The following ZNF823 variants were observed in gnomAD, a reference collection of about 807,000 sequenced individuals.
ZNF823 encodes zinc finger protein 823, also known as ZFP 36 for a zinc finger protein.
A neutral mutation model predicts 11.4 loss-of-function variants in ZNF823; 5 were observed. That is an observed-to-expected ratio of 0.44 (90% CI 0.23 to 0.92). ZNF823 has a LOEUF of 0.92. Among genes scored for constraint, ZNF823 ranks in the 40% least tolerant of loss-of-function variants. The pLI is 0.24. For missense variants in ZNF823, 582 were observed against 738.5 expected (o/e 0.79, Z 2.46); for synonymous variants, 234 against 250.5 (o/e 0.93, Z 0.62).
chr19:11,734,373 C>T (rs1974955712), intron 1 of ZNF823, among the ~76,000 whole-genome samples: 2 of 152,118 alleles, frequency 1.3e-5, no homozygotes, highest in Admixed American at 1.3e-4. Flanking sequence ...CCTTTTTAAA[C>T]CTGTAACAAG....
chr19:11,728,129 G>A (rs1974828469), intron 1 of ZNF823, among the ~76,000 whole-genome samples: 1 of 152,012 alleles, frequency 6.6e-6, no homozygotes, highest in East Asian at 1.9e-4. Flanking sequence ...CGCCCGCCTC[G>A]GCCTCCCAAA....
rs1974713864 is a variant in ZNF823 at position 11,722,746 on chromosome 19, T to C, written c.788A>G (p.Tyr263Cys). ...GGTGTGAGTTCTCTCATGTCTTAGA[T>C]AGGTACTGTAATCAGGAAAGGCTTT... Reference protein sequence around the residue: ...CSKAFPDYSTYLRHERTHTGE... With the variant: ...CSKAFPDYSTCLRHERTHTGE... Residue 263 changes from tyrosine (Y) to cysteine (C), a missense_variant, in exon 4 of 4, where the codon TAT becomes TGT. Physicochemically the swap from Tyr to Cys is radical, Grantham distance 194. This residue lies in a region of ZNF823 where 429 missense variants were observed against 553.7 expected (regional missense o/e 0.77). Transcript: ENST00000341191. The surrounding 1 kb of genome is among the most constrained non-coding windows in gnomAD (Gnocchi z 5.2). 4.3e-6 allele frequency: 7 copies of C among 1,614,050 alleles called. No individual in the cohort carries two copies. The highest frequency in any genetic ancestry group is 5.1e-6 in the Non-Finnish European group (6 of 1,180,044).
intron 1 of ZNF823, among the ~76,000 whole-genome samples, chr19:11,736,075 T>C (rs1974987818): frequency 6.6e-6 from 1 of 150,746 alleles, no homozygotes; most frequent in South Asian, 2.1e-4. Flanking sequence ...CGAACTAACA[T>C]TTTGGTAAAT....
intron 3 of ZNF823, 122 bp downstream of exon 3, chr19:11,724,072 G>T (rs2145205083): frequency 1.2e-6 from 1 of 803,528 alleles, no homozygotes; most frequent in Non-Finnish European, 1.9e-6. Context: ...GTCAGAAAAA[G>T]AATTATTGGA....
intron 1 of ZNF823, among the ~76,000 whole-genome samples, chr19:11,728,844 A>G (rs10424746): frequency 0.085 from 12,871 of 152,220 alleles, 1,178 homozygotes; most frequent in African/African-American, 0.23. Context: ...TACATATACC[A>G]GTTAAAAAGA....
In ZNF823 at chr19:11,722,399, T is replaced by C; in HGVS notation, c.1135A>G (p.Met379Val). 6.2e-7 allele frequency: 1 copy of C among 1,614,050 alleles called. No homozygotes were observed. The highest frequency in any genetic ancestry group is 8.5e-7 in the Non-Finnish European group (1 of 1,180,012). ...LSHSSSFRSHMITHTGDGPQK... is the reference protein window; with the variant it reads ...LSHSSSFRSHVITHTGDGPQK... ...GGTCCATCTCCTGTGTGTGTTATCA[T>C]GTGACTTCGAAAGCTCGAGCTATGA... is the stretch of plus-strand genomic sequence containing the variant. The change falls in exon 4 of 4, where the codon ATG becomes GTG. Residue 379 changes from methionine to valine, a missense_variant. Physicochemically the swap from Met to Val is conservative, Grantham distance 21. Transcript: ENST00000341191. This position sits in a 1 kb window ranked among gnomAD's most constrained non-coding sequence, Gnocchi z 5.2.
rs559679168 is a variant in ZNF823 at position 11,738,802 on chromosome 19, G to T, written c.3+15C>A. Reference sequence around the variant, plus strand: ...CCCCTTCTTTGCCTCGGGACGCCGGGCCCCGCACACTCACCATTTCCCAGC... The same window carrying T: ...CCCCTTCTTTGCCTCGGGACGCCGGTCCCCGCACACTCACCATTTCCCAGC... On this transcript the variant is annotated intron_variant, in intron 1 of 3. Coordinates refer to ENST00000341191, the MANE Select transcript of ZNF823 (RefSeq NM_001080493.4). 1 of 1,609,962 alleles carries T rather than the reference G, an allele frequency of 6.2e-7. No individual in the cohort carries two copies. Among genetic ancestry groups the T allele is most frequent in the Admixed American group, 1.7e-5 (1 of 59,472 alleles).
chr19:11,736,177 G>A (rs1200677536), intron 1 of ZNF823, among the ~76,000 whole-genome samples: 1 of 152,086 alleles, frequency 6.6e-6, no homozygotes. Flanking sequence ...CCCAATTTCT[G>A]TTCACTGCTA....
chr19:11,737,604 A>C (rs1022791642), intron 1 of ZNF823, among the ~76,000 whole-genome samples: 5 of 97,992 alleles, frequency 5.1e-5, no homozygotes, highest in Non-Finnish European at 8.1e-5. Flanking sequence ...TCAAGTGGTT[A>C]TTCTTTGCTT....
At chr19:11,738,739 G>T in intron 1 of ZNF823, 78 bp downstream of exon 1, 1 of 1,499,488 alleles carries the variant, frequency 6.7e-7, no homozygotes. Context: ...GGCGAGGCCC[G>T]GGTCCCCTCA....
intron 2 of ZNF823, 34 bp downstream of exon 2, chr19:11,725,167 A>G: frequency 6.2e-7 from 1 of 1,602,930 alleles, no homozygotes. Flanking sequence ...AAATGTCTCT[A>G]ATTGACTAAG....
At chr19:11,726,319 T>TG (rs1231097429) in intron 1 of ZNF823, among the ~76,000 whole-genome samples, 1 of 147,424 alleles carries the variant, frequency 6.8e-6, no homozygotes, top group Non-Finnish European at 1.5e-5. Flanking sequence ...AATTTTTTTT[T>TG]AACTTAACTC....
Position 11,728,420 on chromosome 19 carries a change from G to T in ZNF823, c.4-3093C>A, listed in dbSNP as rs75441124. 8.9e-3 allele frequency among the ~76,000 whole-genome samples: 1,356 copies of T among 152,236 alleles called. 12 individuals are homozygous for T. Among genetic ancestry groups the T allele is most frequent in the African/African-American group, 0.031 (1,300 of 41,526 alleles). Reference sequence around the variant, plus strand: ...ATGGCATACTTTTCTTATACTACCTGATCTAACAGATACAAATTTGTTTGA... The same window carrying T: ...ATGGCATACTTTTCTTATACTACCTTATCTAACAGATACAAATTTGTTTGA... On this transcript the variant is annotated intron_variant, in intron 1 of 3. Coordinates refer to ENST00000341191, the MANE Select transcript of ZNF823 (RefSeq NM_001080493.4).
intron 1 of ZNF823, among the ~76,000 whole-genome samples, chr19:11,725,667 G>A (rs1297519098): frequency 6.6e-6 from 1 of 152,146 alleles, no homozygotes; most frequent in African/African-American, 2.4e-5. Flanking sequence ...GTGTAGAAGA[G>A]TTACCACTCC....
intron 1 of ZNF823, among the ~76,000 whole-genome samples, chr19:11,736,162 T>A (rs6511746): frequency 0.084 from 12,726 of 152,112 alleles, 1,139 homozygotes; most frequent in African/African-American, 0.23. Context: ...AAAGGAAAAG[T>A]TTTTCCCAAT....
At position 11,723,194 on chromosome 19, in the gene ZNF823, T is replaced by A; in HGVS notation, c.340A>T (p.Asn114Tyr). The A allele has an allele frequency of 1.2e-6, 2 of 1,614,152 alleles. No individual in the cohort carries two copies. The highest frequency in any genetic ancestry group is 1.7e-6 in the Non-Finnish European group (2 of 1,180,036). The stretch of plus-strand genomic sequence containing the variant: ...CCAGTGTCAACTCTGATGTTGCAAT[T>A]AAGAGACGAATGACCCAAGACGACT... ...GEVVLGHSSL[N>Y]CNIRVDTGHK... Residue 114 changes from asparagine to tyrosine, a missense_variant, in exon 4 of 4, where the codon AAT (asparagine) becomes TAT (tyrosine). This residue lies in a region of ZNF823 where 429 missense variants were observed against 553.7 expected (regional missense o/e 0.77). Coordinates refer to ENST00000341191, the MANE Select transcript of ZNF823 (RefSeq NM_001080493.4).
intron 1 of ZNF823, among the ~76,000 whole-genome samples, chr19:11,735,138 G>A (rs1974968965): frequency 6.6e-6 from 1 of 151,854 alleles, no homozygotes; most frequent in Non-Finnish European, 1.5e-5. Flanking sequence ...AGCTGGGCGT[G>A]GTGGTGGTCA....
At chr19:11,723,804 T>TA (rs1178292807) in intron 3 of ZNF823, among the ~76,000 whole-genome samples, 2 of 152,092 alleles carry the variant, frequency 1.3e-5, no homozygotes, top group Non-Finnish European at 2.9e-5. Flanking sequence ...CTTGGCCTCC[T>TA]AAAGTGCTGG....
chr19:11,731,001 T>TAAAAA (rs1299112742), intron 1 of ZNF823, among the ~76,000 whole-genome samples: 8 of 58,092 alleles, frequency 1.4e-4, no homozygotes, highest in Admixed American at 3.7e-4. Flanking sequence ...GCAAAGAAAC[T>TAAAAA]AAAAAAAAAA....
Sources: gnomAD v4.1 joint callset for allele counts (sites outside exome capture counted in the v4.1 genomes callset) on GRCh38, gnomAD v4.1.1 for gene constraint, gnomAD v4.1.1 regional missense constraint, Gnocchi (gnomAD v3.1) non-coding constraint, MANE v1.5 for transcripts, NCBI Gene and HGNC (gene_info 2026-07-23, HGNC 2026-07-21) for gene names.